GHR: variants seen among roughly 807,000 people sequenced by gnomAD.
GHR encodes the protein GH receptor.
Under a neutral mutation model 67.1 loss-of-function variants are expected in GHR, and 35 were observed. That is an observed-to-expected ratio of 0.52 (90% CI 0.40 to 0.69). GHR has a LOEUF of 0.69. Ranked by LOEUF, GHR falls within the 30% of genes least tolerant of loss-of-function variation. The pLI, the probability that GHR is intolerant of heterozygous loss-of-function variation, is 0.00. For missense variants in GHR, 792 were observed against 764.6 expected (o/e 1.04, Z -0.42); for synonymous variants, 272 against 269.1 (o/e 1.01, Z -0.10).
At chr5:42,583,335 C>T (rs964231198) in intron 2 of GHR, among the ~76,000 whole-genome samples, 1 of 151,978 alleles carries the variant, frequency 6.6e-6, no homozygotes, top group Admixed American at 6.6e-5. Context: ...AAGATCTTAC[C>T]TTTTCCATTC....
chr5:42,511,699 T>G (rs1561086547), intron 1 of GHR, among the ~76,000 whole-genome samples: 2 of 152,204 alleles, frequency 1.3e-5, no homozygotes, highest in Non-Finnish European at 2.9e-5. Context: ...CAGGTGTGTG[T>G]GTGTGTGTTT....
intron 3 of GHR, among the ~76,000 whole-genome samples, chr5:42,630,688 G>C (rs1468803336): frequency 7.6e-6 from 1 of 131,974 alleles, no homozygotes; most frequent in Non-Finnish European, 1.6e-5. Flanking sequence ...TTCCCAGCCA[G>C]TATATTCCAA....
At chr5:42,700,823 G>C (rs967548154) in intron 6 of GHR, among the ~76,000 whole-genome samples, 1 of 152,080 alleles carries the variant, frequency 6.6e-6, no homozygotes, top group African/African-American at 2.4e-5. Context: ...TGCCAATTTT[G>C]TCATTAGAGG....
At chr5:42,533,113 A>T (rs1238379942) in intron 1 of GHR, among the ~76,000 whole-genome samples, 1 of 152,072 alleles carries the variant, frequency 6.6e-6, no homozygotes, top group East Asian at 1.9e-4. Context: ...ATCAGATTTA[A>T]TTATTTGCCA....
rs561466289 is a variant in GHR, at chr5:42,607,710, G to A, written c.71-21328G>A. Among the ~76,000 whole-genome samples, 4 of 152,252 alleles carry A rather than the reference G, an allele frequency of 2.6e-5. No homozygotes were observed. In the South Asian group the frequency reaches 6.2e-4, roughly 24 times the overall value. On this transcript the variant is annotated intron_variant, in intron 2 of 9. Transcript: ENST00000230882. ...AACTTGATTTGGGATAGAAGAAGGG[G>A]CTGGGATTTGGGAAGACAAAACAAA...
intron 3 of GHR, among the ~76,000 whole-genome samples, chr5:42,675,224 G>A (rs757561031): frequency 2.0e-5 from 3 of 152,034 alleles, no homozygotes; most frequent in Admixed American, 1.3e-4. Flanking sequence ...TCTTCTTCAG[G>A]GTAGTAAGTT....
intron 5 of GHR, among the ~76,000 whole-genome samples, chr5:42,695,375 T>A (rs1016827412): frequency 6.6e-6 from 1 of 152,194 alleles, no homozygotes; most frequent in South Asian, 2.1e-4. Flanking sequence ...CTGCGTTGTG[T>A]TTTTATGTTC....
At chr5:42,482,621 C>T (rs181423899) in intron 1 of GHR, among the ~76,000 whole-genome samples, 1 of 152,182 alleles carries the variant, frequency 6.6e-6, no homozygotes. Flanking sequence ...CCTTGCAGTT[C>T]AATCTTAGAC....
At chr5:42,454,784 T>C (rs751219883) in intron 1 of GHR, among the ~76,000 whole-genome samples, 2 of 152,040 alleles carry the variant, frequency 1.3e-5, no homozygotes, top group Non-Finnish European at 2.9e-5. Context: ...GGCCATACAC[T>C]TCCCCACTGA....
chr5:42,458,550 A>G (rs936384119), intron 1 of GHR, among the ~76,000 whole-genome samples: 1 of 152,236 alleles, frequency 6.6e-6, no homozygotes, highest in African/African-American at 2.4e-5. Context: ...AGGAAATGGC[A>G]TTCTCGACAT....
chr5:42,495,864 T>A (rs1746301592), intron 1 of GHR, among the ~76,000 whole-genome samples: 1 of 152,182 alleles, frequency 6.6e-6, no homozygotes, highest in African/African-American at 2.4e-5. Flanking sequence ...TGGGCCATCA[T>A]GAAAAACTTT....
intron 8 of GHR, among the ~76,000 whole-genome samples, chr5:42,717,201 G>A (rs1420027760): frequency 6.6e-6 from 1 of 152,130 alleles, no homozygotes. Flanking sequence ...TTAGGAGGCT[G>A]AGGCAAGAAT....
intron 2 of GHR, among the ~76,000 whole-genome samples, chr5:42,617,385 T>TACACGCAC (rs1554027176): frequency 1.2e-4 from 18 of 149,160 alleles, no homozygotes; most frequent in Non-Finnish European, 2.7e-4. Context: ...AAGTTCATTT[T>TACACGCAC]ACACACACAC....
intron 6 of GHR, among the ~76,000 whole-genome samples, chr5:42,702,937 G>T (rs1757999949): frequency 6.6e-6 from 1 of 151,974 alleles, no homozygotes; most frequent in East Asian, 1.9e-4. Flanking sequence ...AATTGTTTTA[G>T]TTCCTTATAT....
chr5:42,546,937 T>C (rs1008431415), intron 1 of GHR, among the ~76,000 whole-genome samples: 12 of 152,228 alleles, frequency 7.9e-5, no homozygotes, highest in African/African-American at 2.9e-4. Context: ...TCCAGATAAC[T>C]CCTAGGTTTC....
intron 3 of GHR, among the ~76,000 whole-genome samples, chr5:42,679,973 A>G (rs563293246): frequency 6.6e-6 from 1 of 152,344 alleles, no homozygotes; most frequent in Non-Finnish European, 1.5e-5. Flanking sequence ...TTTGCTCATC[A>G]AACCTTTGAA....
intron 2 of GHR, among the ~76,000 whole-genome samples, chr5:42,570,159 G>A (rs564935267): frequency 6.6e-6 from 1 of 152,340 alleles, no homozygotes; most frequent in South Asian, 2.1e-4. Context: ...TTAGTAAACA[G>A]TAATGAATGC....
chr5:42,538,144 G>C (rs573620246), intron 1 of GHR, among the ~76,000 whole-genome samples: 1 of 152,276 alleles, frequency 6.6e-6, no homozygotes, highest in East Asian at 1.9e-4. Context: ...GGAGCATTTA[G>C]GGCATTTACA....
At chr5:42,588,322 A>T (rs1445863388) in intron 2 of GHR, among the ~76,000 whole-genome samples, 3 of 151,954 alleles carry the variant, frequency 2.0e-5, no homozygotes, top group African/African-American at 4.8e-5. Flanking sequence ...GATTGAGACC[A>T]TCCTGGCTAA....
Sources: gnomAD v4.1 joint callset for allele counts (sites outside exome capture counted in the v4.1 genomes callset) on GRCh38, gnomAD v4.1.1 for gene constraint, MANE v1.5 for transcripts, NCBI Gene and HGNC (gene_info 2026-07-23, HGNC 2026-07-21) for gene names.